TTC21B: variants seen among roughly 807,000 people sequenced by gnomAD.
TTC21B encodes the protein tetratricopeptide repeat protein 21B.
In TTC21B, 127 loss-of-function variants were observed where a neutral mutation model predicts 175.1. That is an observed-to-expected ratio of 0.73 (90% CI 0.63 to 0.84). The LOEUF (loss-of-function observed/expected upper bound fraction) is 0.84, where lower values mean the gene tolerates loss of function less well. Among genes scored for constraint, TTC21B ranks in the 40% least tolerant of loss-of-function variants. The pLI, the probability that TTC21B is intolerant of heterozygous loss-of-function variation, is 0.00. For missense variants in TTC21B, 1,561 were observed against 1,558.3 expected (o/e 1.00, Z -0.03); for synonymous variants, 524 against 524.5 (o/e 1.00, Z 0.01).
chr2:165,935,443 G>A (rs1687093750), intron 6 of TTC21B, among the ~76,000 whole-genome samples: 1 of 152,126 alleles, frequency 6.6e-6, no homozygotes, highest in African/African-American at 2.4e-5. Flanking sequence ...CCAATGCGGA[G>A]AGATTAAATA....
At position 165,924,614 on chromosome 2, in the gene TTC21B, A is replaced by G; in HGVS notation, c.1451T>C (p.Val484Ala). ...CAGAAGACCTGGAACAGTTCTTACT[A>G]CAGTCTCCAGGACTGAGATGCAACG... ...LRRCISVLET[V>A]VRTVPGLLQT... The change falls in exon 12 of 29, where the codon GTA becomes GCA. Residue 484 changes from valine to alanine, a missense_variant. Transcript: ENST00000243344. 6.2e-7 allele frequency: 1 copy of G among 1,613,858 alleles called. No homozygotes were observed. Among genetic ancestry groups the G allele is most frequent in the Non-Finnish European group, 8.5e-7 (1 of 1,179,844 alleles).
At chr2:165,922,039 T>C (rs1434641980) in intron 12 of TTC21B, among the ~76,000 whole-genome samples, 1 of 151,942 alleles carries the variant, frequency 6.6e-6, no homozygotes, top group Non-Finnish European at 1.5e-5. Flanking sequence ...CTGTTATTCT[T>C]AAAAATGGGA....
intron 12 of TTC21B, among the ~76,000 whole-genome samples, chr2:165,921,789 T>G (rs1686415379): frequency 1.6e-5 from 2 of 123,870 alleles, no homozygotes; most frequent in Non-Finnish European, 3.3e-5. Context: ...CTGCTCTTCC[T>G]TTTTTTTTTT....
At chr2:165,919,537 T>G in intron 12 of TTC21B, 104 bp from the exon 13 acceptor site, 1 of 1,311,466 alleles carries the variant, frequency 7.6e-7, no homozygotes, top group South Asian at 1.3e-5. Context: ...GCCCTAGTGT[T>G]TGTAAACTTA....
chr2:165,944,514 T>C (rs1299062721), intron 4 of TTC21B, among the ~76,000 whole-genome samples: 1 of 152,178 alleles, frequency 6.6e-6, no homozygotes, highest in East Asian at 1.9e-4. Context: ...CACAAGGAAG[T>C]ACTATCTTTT....
intron 11 of TTC21B, among the ~76,000 whole-genome samples, chr2:165,927,446 C>T (rs945512301): frequency 1.4e-5 from 2 of 145,964 alleles, no homozygotes; most frequent in Non-Finnish European, 3.0e-5. Flanking sequence ...TATCTAAAAT[C>T]GCCATCACCC....
intron 12 of TTC21B, among the ~76,000 whole-genome samples, chr2:165,923,788 T>C (rs1170615859): frequency 1.5e-5 from 2 of 134,454 alleles, no homozygotes; most frequent in Non-Finnish European, 3.1e-5. Context: ...CTCACTCCCA[T>C]CACTGACGCT....
At chr2:165,947,241 G>GGAATCA (rs1261153509) in intron 3 of TTC21B, 6 of 135,676 alleles carry the variant, frequency 4.4e-5, no homozygotes, top group Non-Finnish European at 7.7e-5. Flanking sequence ...AACCCTGGAT[G>GGAATCA]GAATCAGAAT....
intron 28 of TTC21B, 53 bp from the exon 29 acceptor site, chr2:165,874,885 A>G: frequency 2.0e-6 from 3 of 1,488,502 alleles, no homozygotes; most frequent in South Asian, 2.3e-5. Flanking sequence ...ATCAAAAACT[A>G]CGGAGTTACA....
chr2:165,918,610 T>C (rs912142252), intron 13 of TTC21B, among the ~76,000 whole-genome samples: 2 of 152,096 alleles, frequency 1.3e-5, no homozygotes, highest in East Asian at 3.9e-4. Flanking sequence ...CAAATCTTAA[T>C]TAGGATTCTC....
intron 19 of TTC21B, among the ~76,000 whole-genome samples, chr2:165,905,532 G>A (rs532160170): frequency 9.2e-5 from 14 of 152,154 alleles, no homozygotes; most frequent in African/African-American, 3.4e-4. Context: ...TTTAAAGCAA[G>A]AAGCATTACT....
At chr2:165,881,476 T>A (rs918400723) in intron 26 of TTC21B, among the ~76,000 whole-genome samples, 1 of 152,154 alleles carries the variant, frequency 6.6e-6, no homozygotes, top group African/African-American at 2.4e-5. Flanking sequence ...TCCCTTCTGG[T>A]ATGTCTGTCT....
chr2:165,898,593 G>A (rs1272141054), intron 22 of TTC21B, 93 bp downstream of exon 22: 16 of 828,242 alleles, frequency 1.9e-5, no homozygotes, highest in Non-Finnish European at 3.0e-5. Flanking sequence ...AACTAGGGAC[G>A]GAGTTTGCCC....
At chr2:165,897,496 G>A (rs1242652645) in intron 22 of TTC21B, among the ~76,000 whole-genome samples, 1 of 152,268 alleles carries the variant, frequency 6.6e-6, no homozygotes, top group East Asian at 1.9e-4. Flanking sequence ...GGTGAGAGGT[G>A]GGGGTGGAGC....
At position 165,913,615 on chromosome 2, in the gene TTC21B, A is replaced by T. The variant is rs759317777; in HGVS notation, c.2170T>A (p.Ser724Thr). ...TATGCATCACCAAGGAGAAGAAAAG[A>T]CCGAGGGTTAGCCATTCTTTCAGCA... ...EIAERMANPRSFLLLGDAYMN... is the reference protein window; with the variant it reads ...EIAERMANPRTFLLLGDAYMN... Residue 724 changes from serine (S) to threonine (T), a missense_variant, in exon 16 of 29, where the codon TCT becomes ACT. Coordinates refer to ENST00000243344, the MANE Select transcript of TTC21B (RefSeq NM_024753.5). 14 of 1,613,006 alleles carry T rather than the reference A, an allele frequency of 8.7e-6. No homozygotes were observed. In the African/African-American group the frequency reaches 1.3e-4, roughly 15 times the overall value.
intron 27 of TTC21B, among the ~76,000 whole-genome samples, chr2:165,877,064 G>T (rs577194674): frequency 6.6e-6 from 1 of 152,300 alleles, no homozygotes; most frequent in Non-Finnish European, 1.5e-5. Context: ...CTTAATGGAT[G>T]TTGTTCTCTT....
At chr2:165,944,248 G>A (rs1284214012) in intron 4 of TTC21B, among the ~76,000 whole-genome samples, 1 of 152,002 alleles carries the variant, frequency 6.6e-6, no homozygotes, top group African/African-American at 2.4e-5. Context: ...TTACTGTTCT[G>A]CCAGCACCAG....
chr2:165,941,073 G>T lies in TTC21B; in HGVS notation c.664C>A (p.Gln222Lys). The T allele has an allele frequency of 6.2e-7, 1 of 1,613,920 alleles. No individual in the cohort carries two copies. The highest frequency in any genetic ancestry group is 8.5e-7 in the Non-Finnish European group (1 of 1,179,880). ...LPAFVKKMKL[Q>K]LALQDWDQTV... ...TGGTCCCAATCCTGCAAGGCTAGTT[G>T]TAATTTCATTTTCTTAACAAAAGCA... The change falls in exon 6 of 29, where the codon CAA (glutamine) becomes AAA (lysine). Residue 222 changes from glutamine to lysine, a missense_variant. Physicochemically the swap from Gln to Lys is moderately conservative, Grantham distance 53 (BLOSUM62 1). Coordinates refer to ENST00000243344, the MANE Select transcript of TTC21B (RefSeq NM_024753.5).
At position 165,890,552 on chromosome 2, in the gene TTC21B, T is replaced by C; in HGVS notation, c.3190A>G (p.Ile1064Val). 6.2e-7 allele frequency: 1 copy of C among 1,613,712 alleles called. No individual in the cohort carries two copies. The highest frequency in any genetic ancestry group is 2.2e-5 in the East Asian group (1 of 44,818). ...TTATCTGGATTCAAACAGATCTCTATCATATTATAAAGGGCATTTTGGCCC... is the reference window on the plus strand; with the variant it reads ...TTATCTGGATTCAAACAGATCTCTACCATATTATAAAGGGCATTTTGGCCC... ...DWGQNALYNM[I>V]EICLNPDNET... The change falls in exon 24 of 29, where the codon ATA (isoleucine) becomes GTA (valine). Residue 1064 changes from isoleucine to valine, a missense_variant. Coordinates refer to ENST00000243344, the MANE Select transcript of TTC21B (RefSeq NM_024753.5).
Sources: gnomAD v4.1 joint callset for allele counts (sites outside exome capture counted in the v4.1 genomes callset) on GRCh38, gnomAD v4.1.1 for gene constraint, MANE v1.5 for transcripts, NCBI Gene and HGNC (gene_info 2026-07-23, HGNC 2026-07-21) for gene names.